The following RBMS3 variants were observed in gnomAD, a reference collection of about 807,000 sequenced individuals.
The protein encoded by RBMS3 is RNA-binding motif, single-stranded-interacting protein 3.
RBMS3 carries 27 observed loss-of-function variants against 66.8 expected under a neutral mutation model. The ratio of observed to expected loss-of-function variants is 0.40; its 90% CI spans 0.30 to 0.56. RBMS3 has a LOEUF of 0.56. Ranked by LOEUF, RBMS3 falls within the 20% of genes least tolerant of loss-of-function variation. The pLI is 0.40. For missense variants in RBMS3, 513 were observed against 549.5 expected, an observed-to-expected ratio of 0.93 and a Z score of 0.66; for synonymous variants, 188 against 183.0, an observed-to-expected ratio of 1.03 and a Z score of -0.22.
At chr3:29,961,986 AATATATATAAT>A (rs906061471) in intron 12 of RBMS3, among the ~76,000 whole-genome samples, 9 of 110,346 alleles carry the variant, frequency 8.2e-5, no homozygotes, top group Admixed American at 6.3e-4. Context: ...AATATATATT[AATATATATAAT>A]ATATATATTA....
In RBMS3 at chr3:30,005,532, G is replaced by C. The variant is rs186168347; in HGVS notation, c.*1670G>C. Reference sequence around the variant, plus strand: ...AAAGCTTAGGGATATTCTGTGAAATGGTGAGTGGTCTCCTGGAAAGGTCTC... The same window carrying C: ...AAAGCTTAGGGATATTCTGTGAAATCGTGAGTGGTCTCCTGGAAAGGTCTC... On this transcript the variant is annotated 3_prime_UTR_variant, in exon 15 of 15. Transcript: ENST00000383767. 1.5e-4 allele frequency: 23 copies of C among 151,968 alleles called. No individual in the cohort carries two copies. The highest frequency in any genetic ancestry group is 5.5e-4 in the African/African-American group (23 of 41,504). 9.4% of individuals were successfully genotyped at this position (151,968 alleles called of 1,614,324 possible). A position where few individuals can be genotyped will look rare whatever the true frequency, so the allele number is the denominator to read the frequency against.
intron 6 of RBMS3, among the ~76,000 whole-genome samples, chr3:29,817,301 T>A (rs969082904): frequency 1.8e-4 from 27 of 150,340 alleles, no homozygotes; most frequent in African/African-American, 5.9e-4. Flanking sequence ...CCACCTGGGT[T>A]CAAGCGATTC....
chr3:29,491,969 G>A (rs1233306424), intron 3 of RBMS3, among the ~76,000 whole-genome samples: 1 of 151,122 alleles, frequency 6.6e-6, no homozygotes, highest in Non-Finnish European at 1.5e-5. Context: ...CTCCAGCCTG[G>A]GTGACAGAGC....
At chr3:29,336,544 C>A (rs939044993) in intron 1 of RBMS3, among the ~76,000 whole-genome samples, 2 of 151,946 alleles carry the variant, frequency 1.3e-5, no homozygotes, top group African/African-American at 4.8e-5. Context: ...TATTGCGGAA[C>A]GAAAGGATTA....
chr3:29,325,013 C>T (rs1407737191), intron 1 of RBMS3, among the ~76,000 whole-genome samples: 2 of 151,334 alleles, frequency 1.3e-5, no homozygotes, highest in Non-Finnish European at 2.9e-5. Flanking sequence ...TGAATTGCTG[C>T]ATTCTTTGTA....
intron 3 of RBMS3, among the ~76,000 whole-genome samples, chr3:29,516,852 A>T (rs1437293697): frequency 6.6e-6 from 1 of 152,194 alleles, no homozygotes; most frequent in Non-Finnish European, 1.5e-5. Context: ...GAATGAAAGG[A>T]GATGTTGAGT....
intron 1 of RBMS3, among the ~76,000 whole-genome samples, chr3:29,311,759 A>G (rs1045941160): frequency 2.0e-5 from 3 of 151,794 alleles, no homozygotes; most frequent in Admixed American, 6.6e-5. Context: ...GGAAGAGAAG[A>G]TTAGGGGGAT....
At chr3:29,433,232 T>C (rs891087024) in intron 1 of RBMS3, among the ~76,000 whole-genome samples, 9 of 152,158 alleles carry the variant, frequency 5.9e-5, no homozygotes, top group Non-Finnish European at 1.2e-4. Flanking sequence ...CTCATCTGAA[T>C]ACTTACTTGC....
chr3:29,455,856 A>G (rs2042174039), intron 2 of RBMS3, among the ~76,000 whole-genome samples: 1 of 152,146 alleles, frequency 6.6e-6, no homozygotes, highest in African/African-American at 2.4e-5. Flanking sequence ...ATAGATCCCA[A>G]AAAGGATACT....
chr3:29,753,377 A>G (rs184707668), intron 5 of RBMS3, among the ~76,000 whole-genome samples: 2 of 152,362 alleles, frequency 1.3e-5, no homozygotes, highest in Non-Finnish European at 2.9e-5. Flanking sequence ...CAAGACTGGT[A>G]GGTGAGCAAT....
At chr3:29,733,567 G>A (rs1315406233) in intron 4 of RBMS3, among the ~76,000 whole-genome samples, 1 of 151,914 alleles carries the variant, frequency 6.6e-6, no homozygotes, top group East Asian at 1.9e-4. Context: ...ATTCTAATAG[G>A]GGTGAGATGA....
chr3:29,570,830 G>T (rs1216395318), intron 3 of RBMS3, among the ~76,000 whole-genome samples: 3 of 152,022 alleles, frequency 2.0e-5, no homozygotes, highest in Non-Finnish European at 4.4e-5. Context: ...TCCTTCTTTT[G>T]GGCATATACT....
chr3:29,490,997 T>C (rs2148918192), intron 3 of RBMS3, among the ~76,000 whole-genome samples: 1 of 152,306 alleles, frequency 6.6e-6, no homozygotes, highest in South Asian at 2.1e-4. Context: ...AAGGGATACT[T>C]CCTTATGCAG....
intron 3 of RBMS3, among the ~76,000 whole-genome samples, chr3:29,556,113 G>C (rs2046352658): frequency 8.0e-6 from 1 of 124,674 alleles, no homozygotes; most frequent in African/African-American, 3.4e-5. Flanking sequence ...TGGTCTATCA[G>C]CCACAATAAA....
At chr3:29,865,540 G>A (rs548596133) in intron 6 of RBMS3, among the ~76,000 whole-genome samples, 1 of 152,220 alleles carries the variant, frequency 6.6e-6, no homozygotes, top group Non-Finnish European at 1.5e-5. Flanking sequence ...TATCAGAGAA[G>A]GTTTTAAGAA....
At chr3:29,594,097 G>C (rs1198350553) in intron 4 of RBMS3, among the ~76,000 whole-genome samples, 1 of 152,078 alleles carries the variant, frequency 6.6e-6, no homozygotes, top group Non-Finnish European at 1.5e-5. Flanking sequence ...AATTTCTATA[G>C]TAATTTAAAA....
chr3:29,389,650 T>C (rs945176301), intron 1 of RBMS3, among the ~76,000 whole-genome samples: 1 of 152,202 alleles, frequency 6.6e-6, no homozygotes, highest in Non-Finnish European at 1.5e-5. Context: ...TTAGCAAAAG[T>C]ATATTCGTTG....
At chr3:29,549,925 G>A (rs1179502921) in intron 3 of RBMS3, among the ~76,000 whole-genome samples, 1 of 151,796 alleles carries the variant, frequency 6.6e-6, no homozygotes, top group Non-Finnish European at 1.5e-5. Flanking sequence ...TGCTTATTCT[G>A]TGCTTGTCCT....
chr3:29,296,781 C>T (rs1213496051), intron 1 of RBMS3, among the ~76,000 whole-genome samples: 1 of 151,652 alleles, frequency 6.6e-6, no homozygotes, highest in East Asian at 1.9e-4. Flanking sequence ...AGTCATATTT[C>T]ACAGAACTTA....
Sources: allele counts gnomAD v4.1 joint callset (sites outside exome capture counted in the v4.1 genomes callset), GRCh38; gene constraint gnomAD v4.1.1; transcripts MANE v1.5; gene names NCBI Gene and HGNC (gene_info 2026-07-23, HGNC 2026-07-21).